BBOF1: variants seen among roughly 807,000 people sequenced by gnomAD.
BBOF1 encodes the protein basal body-orientation factor 1.
In BBOF1, 62 loss-of-function variants were observed where a neutral mutation model predicts 68.0. The ratio of observed to expected loss-of-function variants is 0.91; its 90% confidence interval spans 0.74 to 1.13. The LOEUF is 1.13. Among genes scored for constraint, BBOF1 ranks in the 50% most tolerant of loss-of-function variants. The pLI is 0.00. For synonymous variants in BBOF1, 208 were observed against 198.8 expected, an observed-to-expected ratio of 1.05 and a Z score of -0.39; for missense variants, 534 against 600.1, an observed-to-expected ratio of 0.89 and a Z score of 1.15.
chr14:74,040,477 A>G, intron 4 of BBOF1, 88 bp from the exon 5 acceptor site: 2 of 804,360 alleles, frequency 2.5e-6, no homozygotes, highest in Non-Finnish European at 4.0e-6. Context: ...AACAGAAAGC[A>G]TTTCCTTATT....
intron 9 of BBOF1, among the ~76,000 whole-genome samples, chr14:74,074,214 C>T (rs921540202): frequency 9.2e-5 from 14 of 151,790 alleles, no homozygotes; most frequent in African/African-American, 3.4e-4. Context: ...TGAACTCTGA[C>T]AATCCACCTG....
intron 11 of BBOF1, among the ~76,000 whole-genome samples, chr14:74,062,043 T>C (rs2060353958): frequency 8.7e-6 from 1 of 114,470 alleles, no homozygotes; most frequent in Non-Finnish European, 1.7e-5. Context: ...AAACCTCGTC[T>C]CTACTGGGAA....
intron 5 of BBOF1, among the ~76,000 whole-genome samples, chr14:74,045,362 T>C (rs1293393237): frequency 6.6e-6 from 1 of 152,138 alleles, no homozygotes; most frequent in Non-Finnish European, 1.5e-5. Flanking sequence ...CCATCTGGAG[T>C]GCAATGGCGC....
chr14:74,073,247 G>T (rs777507996), intron 9 of BBOF1, among the ~76,000 whole-genome samples: 4 of 152,056 alleles, frequency 2.6e-5, no homozygotes, highest in Non-Finnish European at 5.9e-5. Flanking sequence ...GGGACTACAG[G>T]CACATGCTAC....
intron 7 of BBOF1, among the ~76,000 whole-genome samples, chr14:74,048,992 C>T (rs2060010195): frequency 6.6e-6 from 1 of 152,134 alleles, no homozygotes; most frequent in Admixed American, 6.6e-5. Flanking sequence ...CCTGACCCAG[C>T]CTCCTGAGTA....
chr14:74,050,197 T>A lies in BBOF1; in HGVS notation c.1286+2T>A. On this transcript the variant is annotated splice_donor_variant, in intron 8 of 11. Coordinates refer to ENST00000394009, the MANE Select transcript of BBOF1 (RefSeq NM_025057.3). LOFTEE classifies it high-confidence loss of function. ...GGATCTTCTGGAGGCCGAAAAATGG[T>A]ACTAGCAATACTTTATTATTATCTT... is the stretch of plus-strand genomic sequence containing the variant. 2 of 1,521,616 alleles carry A rather than the reference T, an allele frequency of 1.3e-6. No individual in the cohort carries two copies. The highest frequency in any genetic ancestry group is 1.8e-4 in the Middle Eastern group (1 of 5,632). 94.3% of individuals were successfully genotyped at this position (1,521,616 alleles called of 1,614,324 possible).
At position 74,049,995 on chromosome 14, in the gene BBOF1, CT is replaced by C. The variant is rs1566812426; in HGVS notation, c.1091del (p.Leu364Ter). ...ATGAGAGAACAGAAGTGGAAAGATT[CT>C]TTTTAGATGCTCTGCACCAAGTGAA... ...LDERTEVERF[F>X]LDALHQVKQQ... is the part of the protein sequence containing the mutation. On this transcript the variant is annotated frameshift_variant, in exon 8 of 12. Transcript: ENST00000394009. LOFTEE classifies it high-confidence loss of function. The C allele has an allele frequency of 6.2e-7, 1 of 1,614,084 alleles. No homozygotes were observed. Among genetic ancestry groups the C allele is most frequent in the South Asian group, 1.1e-5 (1 of 91,082 alleles).
intron 7 of BBOF1, among the ~76,000 whole-genome samples, chr14:74,049,171 G>A (rs2060013984): frequency 6.6e-6 from 1 of 152,168 alleles, no homozygotes; most frequent in Non-Finnish European, 1.5e-5. Flanking sequence ...ACCATGCTCA[G>A]CCCTTCATTC....
At chr14:74,052,179 T>C (rs1412694513) in intron 8 of BBOF1, among the ~76,000 whole-genome samples, 1 of 151,802 alleles carries the variant, frequency 6.6e-6, no homozygotes, top group Non-Finnish European at 1.5e-5. Flanking sequence ...GTTTACGAAA[T>C]AGTAAGTGTT....
intron 4 of BBOF1, among the ~76,000 whole-genome samples, chr14:74,037,456 C>A (rs1347171391): frequency 6.8e-6 from 1 of 146,724 alleles, no homozygotes; most frequent in African/African-American, 2.6e-5. Context: ...TCACACCTGG[C>A]TAATTTTTTT....
chr14:74,070,399 A>C (rs559363984), downstream of BBOF1, among the ~76,000 whole-genome samples: 1 of 152,020 alleles, frequency 6.6e-6, no homozygotes, highest in African/African-American at 2.4e-5. Context: ...CATGCCTGTA[A>C]TCCCAGCTAT....
chr14:74,027,346 C>T (rs2059455127), intron 2 of BBOF1, among the ~76,000 whole-genome samples: 1 of 146,428 alleles, frequency 6.8e-6, no homozygotes, highest in Admixed American at 6.9e-5. Context: ...CTCAGCTTCC[C>T]AAAGTGTTGG....
intron 11 of BBOF1, chr14:74,060,456 C>T (rs2060314326): frequency 3.3e-6 from 2 of 608,504 alleles, no homozygotes; most frequent in Admixed American, 5.5e-5. Context: ...AGTGAGAAAT[C>T]TGGTTTCATT....
At chr14:74,041,273 A>C (rs1342943494) in intron 5 of BBOF1, among the ~76,000 whole-genome samples, 1 of 152,144 alleles carries the variant, frequency 6.6e-6, no homozygotes, top group South Asian at 2.1e-4. Context: ...ACTGCACTCC[A>C]TCCTGGGTGG....
chr14:74,037,265 G>A (rs28378227), intron 4 of BBOF1, among the ~76,000 whole-genome samples: 4 of 132,468 alleles, frequency 3.0e-5, no homozygotes, highest in South Asian at 2.5e-4. Context: ...GAACCACCAC[G>A]CCTGGCCTCT....
At chr14:74,041,811 C>T (rs1029260687) in intron 5 of BBOF1, among the ~76,000 whole-genome samples, 6 of 152,164 alleles carry the variant, frequency 3.9e-5, no homozygotes, top group East Asian at 3.9e-4. Flanking sequence ...CCAAGGTGGG[C>T]GGATCACTTG....
chr14:74,048,650 CT>C (rs1392185804), intron 7 of BBOF1: 1 of 152,140 alleles, frequency 6.6e-6, no homozygotes, highest in African/African-American at 2.4e-5. Flanking sequence ...TTTAAGAGGT[CT>C]TTCTGGAAGT....
intron 9 of BBOF1, chr14:74,071,365 A>G: frequency 6.2e-7 from 1 of 1,614,194 alleles, no homozygotes; most frequent in Non-Finnish European, 8.5e-7. Context: ...CATGGCAGGA[A>G]AATTGAATGG....
In BBOF1 at chr14:74,065,663, G is replaced by T; in HGVS notation, c.*964G>T. On this transcript the variant is annotated 3_prime_UTR_variant, in exon 12 of 12. Transcript: ENST00000394009. ...TGCCTTTTTAATACCTGAACGACTAGTTTCATCCAATTGTTATCAAAAAGT... is the reference window on the plus strand; with the variant it reads ...TGCCTTTTTAATACCTGAACGACTATTTTCATCCAATTGTTATCAAAAAGT... 9.4e-6 allele frequency: 3 copies of T among 318,912 alleles called. No individual in the cohort carries two copies. Among genetic ancestry groups the T allele is most frequent in the South Asian group, 3.9e-5 (1 of 25,644 alleles). The allele number at this position is 318,912 out of a possible 1,614,324, so 19.8% of individuals were successfully genotyped here. A position where few individuals can be genotyped will look rare whatever the true frequency, so the allele number is the denominator to read the frequency against.
Sources: allele counts gnomAD v4.1 joint callset (sites outside exome capture counted in the v4.1 genomes callset), GRCh38; gene constraint gnomAD v4.1.1; transcripts MANE v1.5; gene names NCBI Gene and HGNC (gene_info 2026-07-23, HGNC 2026-07-21).